The following PCDHGB2 variants were observed in gnomAD, a reference collection of about 807,000 sequenced individuals.
PCDHGB2 encodes the protein protocadherin gamma subfamily B, 2.
Under a neutral mutation model 59.3 loss-of-function variants are expected in PCDHGB2, and 55 were observed. The observed-to-expected ratio is 0.93, with a 90% CI of 0.75 to 1.16. The LOEUF (loss-of-function observed/expected upper bound fraction) is 1.16, where lower values mean the gene tolerates loss of function less well. Among genes scored for constraint, PCDHGB2 ranks in the 50% most tolerant of loss-of-function variants. The pLI is 0.00. For synonymous variants in PCDHGB2, 516 were observed against 512.0 expected, an observed-to-expected ratio of 1.01 and a Z score of -0.11; for missense variants, 1,228 against 1,198.5, an observed-to-expected ratio of 1.02 and a Z score of -0.36.
At chr5:141,422,886 G>A in intron 1 of PCDHGB2, 1 of 1,614,260 alleles carries the variant, frequency 6.2e-7, no homozygotes, top group Non-Finnish European at 8.5e-7. Flanking sequence ...GCCTGTTCGT[G>A]CTGGACCAGA....
chr5:141,375,593 T>C (rs922478028), intron 1 of PCDHGB2: 1 of 1,614,024 alleles, frequency 6.2e-7, no homozygotes, highest in African/African-American at 1.3e-5. Flanking sequence ...CCTGTCCTCC[T>C]ACGTGTCCAT....
At chr5:141,415,477 C>T in intron 1 of PCDHGB2, 1 of 1,614,184 alleles carries the variant, frequency 6.2e-7, no homozygotes, top group Non-Finnish European at 8.5e-7. Flanking sequence ...CGCGGACTCG[C>T]GAAAGAGTCA....
chr5:141,415,654 A>ATTGGT, intron 1 of PCDHGB2: 1 of 1,573,242 alleles, frequency 6.4e-7, no homozygotes, highest in Non-Finnish European at 8.6e-7. Flanking sequence ...AAAAAAAAAG[A>ATTGGT]TTGGTTTTTA....
In PCDHGB2 at chr5:141,362,297, C is replaced by T; in HGVS notation, c.2162C>T (p.Ser721Leu). 1.2e-6 allele frequency: 2 copies of T among 1,614,082 alleles called. No individual in the cohort carries two copies. The highest frequency in any genetic ancestry group is 1.3e-5 in the African/African-American group (1 of 75,062). ...ISLRLRLSSR[S>L]DAWDCFQPGL... ...CTGCGCCTGCGACTCTCTTCCAGGT[C>T]AGATGCTTGGGACTGTTTTCAGCCT... is the stretch of plus-strand genomic sequence containing the variant. Residue 721 changes from serine to leucine, a missense_variant, in exon 1 of 4, where the codon TCA becomes TTA. Around this residue, in one of 3 missense-constraint regions of PCDHGB2, gnomAD observed 433 missense variants for 441.8 expected, o/e 0.98. Coordinates refer to ENST00000522605, the MANE Select transcript of PCDHGB2 (RefSeq NM_018923.3).
In PCDHGB2 at chr5:141,486,017, A is replaced by G. The variant is rs746747518; in HGVS notation, c.2422-8790A>G. On this transcript the variant is annotated intron_variant, in intron 1 of 3. Transcript: ENST00000522605. The surrounding 1 kb of genome is among the most constrained non-coding windows in gnomAD (Gnocchi z 5.0). ...CAGTGGTAACGTCACCTTTTATTTC[A>G]GTGGTCATACCCCTGATCGTGTAAG... The G allele has an allele frequency of 6.2e-7, 1 of 1,614,176 alleles. No homozygotes were observed. The highest frequency in any genetic ancestry group is 1.7e-5 in the Admixed American group (1 of 60,026).
chr5:141,482,981 A>C (rs1377809325), intron 1 of PCDHGB2, among the ~76,000 whole-genome samples: 1 of 150,250 alleles, frequency 6.7e-6, no homozygotes, highest in Non-Finnish European at 1.5e-5. Context: ...GCTACTTGAG[A>C]GGTCGAGGCA....
At chr5:141,473,939 C>T (rs1301939679) in intron 1 of PCDHGB2, among the ~76,000 whole-genome samples, 2 of 152,068 alleles carry the variant, frequency 1.3e-5, no homozygotes, top group African/African-American at 2.4e-5. Context: ...TGCAGTAGCT[C>T]AGGCCTGTAG....
intron 1 of PCDHGB2, chr5:141,365,864 G>C (rs753111294): frequency 2.0e-5 from 32 of 1,613,886 alleles, no homozygotes; most frequent in Non-Finnish European, 8.5e-7. Context: ...CTCTGACACC[G>C]GTGTCCTGTA....
chr5:141,390,207 C>G (rs1359982168), intron 1 of PCDHGB2: 5 of 1,614,028 alleles, frequency 3.1e-6, no homozygotes, highest in African/African-American at 1.3e-5. Flanking sequence ...GAGTTCAGGA[C>G]AAGACATACT....
At chr5:141,484,891 C>T in intron 1 of PCDHGB2, 1 of 361,788 alleles carries the variant, frequency 2.8e-6, no homozygotes, top group Non-Finnish European at 5.0e-6. Context: ...GGGCTTTTTC[C>T]CCTCCAATGC....
intron 1 of PCDHGB2, chr5:141,408,186 G>A (rs529140572): frequency 1.7e-4 from 266 of 1,542,242 alleles, no homozygotes; most frequent in Non-Finnish European, 2.2e-4. Flanking sequence ...GGGACCCAGC[G>A]AGAACCCGAG....
intron 1 of PCDHGB2, chr5:141,423,749 TTGGGGGGGGGG>T: frequency 3.7e-6 from 1 of 272,202 alleles, no homozygotes; most frequent in Non-Finnish European, 4.7e-6. Context: ...TGAAAACTGT[TTGGGGGGGGGG>T]TGGGGCGGCA....
At chr5:141,375,107 G>A in intron 1 of PCDHGB2, 1 of 1,613,962 alleles carries the variant, frequency 6.2e-7, no homozygotes, top group South Asian at 1.1e-5. Flanking sequence ...GGATGTCAAT[G>A]ATAATGTACC....
chr5:141,397,194 A>G (rs1362793784), intron 1 of PCDHGB2, among the ~76,000 whole-genome samples: 1 of 152,240 alleles, frequency 6.6e-6, no homozygotes, highest in Admixed American at 6.5e-5. Flanking sequence ...GTACTGTAAA[A>G]GATATGACAT....
intron 1 of PCDHGB2, chr5:141,442,419 T>TG (rs1214499832): frequency 1.3e-5 from 2 of 152,192 alleles, no homozygotes; most frequent in African/African-American, 4.8e-5. Context: ...AGTGAACTTC[T>TG]TTTTTGAATC....
rs1395688351 is a variant in PCDHGB2 at position 141,485,907 on chromosome 5, C to A, written c.2422-8900C>A. On this transcript the variant is annotated intron_variant, in intron 1 of 3. Coordinates refer to ENST00000522605, the MANE Select transcript of PCDHGB2 (RefSeq NM_018923.3). The surrounding 1 kb of genome is among the most constrained non-coding windows in gnomAD (Gnocchi z 5.7). ...GACAACGCCCCAGCCTTCCAGCAAT[C>A]CAGCTACAGGATTAGTGTGTTGGAG... is the stretch of plus-strand genomic sequence containing the variant. 6.2e-7 allele frequency: 1 copy of A among 1,614,176 alleles called. No homozygotes were observed.
At chr5:141,415,909 C>A in intron 1 of PCDHGB2, 1 of 761,030 alleles carries the variant, frequency 1.3e-6, no homozygotes, top group Non-Finnish European at 1.8e-6. Flanking sequence ...GACTTCCATA[C>A]AGAAGTGCCT....
rs1210429084 is a variant in PCDHGB2 at position 141,487,045 on chromosome 5, T to C, written c.2422-7762T>C. 2 of 1,614,088 alleles carry C rather than the reference T, an allele frequency of 1.2e-6. No individual in the cohort carries two copies. Among genetic ancestry groups the C allele is most frequent in the Non-Finnish European group, 1.7e-6 (2 of 1,180,036 alleles). On this transcript the variant is annotated intron_variant, in intron 1 of 3. Coordinates refer to ENST00000522605, the MANE Select transcript of PCDHGB2 (RefSeq NM_018923.3). This position sits in a 1 kb window ranked among gnomAD's most constrained non-coding sequence, Gnocchi z 5.0. ...CCAGCCTGTTTGCAGTCTCTCGATA[T>C]GCTGGGGAGGTGCGGACGGCTGTTC...
intron 1 of PCDHGB2, chr5:141,421,270 C>G: frequency 6.2e-7 from 1 of 1,612,094 alleles, no homozygotes; most frequent in Non-Finnish European, 8.5e-7. Context: ...TCGGCTGCTG[C>G]TGCTGCTGTG....
Sources: gnomAD v4.1 joint callset for allele counts (sites outside exome capture counted in the v4.1 genomes callset) on GRCh38, gnomAD v4.1.1 for gene constraint, gnomAD v4.1.1 regional missense constraint, Gnocchi (gnomAD v3.1) non-coding constraint, MANE v1.5 for transcripts, NCBI Gene and HGNC (gene_info 2026-07-23, HGNC 2026-07-21) for gene names.